The following PODNL1 variants were observed in gnomAD, a reference collection of about 807,000 sequenced individuals.
PODNL1 encodes podocan-like protein 1.
PODNL1 carries 50 observed loss-of-function variants against 45.1 expected under a neutral mutation model. The ratio of observed to expected loss-of-function variants is 1.11; its 90% CI spans 0.88 to 1.40. The LOEUF (loss-of-function observed/expected upper bound fraction) is 1.40, where lower values mean the gene tolerates loss of function less well. Ranked by LOEUF, PODNL1 falls within the 40% of genes most tolerant of loss-of-function variation. PODNL1 has a pLI of 0.00. For missense variants in PODNL1, 788 were observed against 793.3 expected (o/e 0.99, Z 0.08); for synonymous variants, 406 against 372.5 (o/e 1.09, Z -1.04).
At chr19:13,952,682 G>C in intron 1 of PODNL1, 2 of 1,294,780 alleles carry the variant, frequency 1.5e-6, no homozygotes, top group Non-Finnish European at 2.0e-6. Context: ...GCGCCGGAGG[G>C]TGGGGAGTAG....
Position 13,931,838 on chromosome 19 carries a change from G to A in PODNL1, c.1624C>T (p.Leu542Phe), listed in dbSNP as rs533036025. 39 of 1,231,988 alleles carry A rather than the reference G, an allele frequency of 3.2e-5. No homozygotes were observed. In the South Asian group the frequency reaches 1.4e-3, roughly 43 times the overall value. 76.3% of individuals were successfully genotyped at this position (1,231,988 alleles called of 1,614,324 possible). Residue 542 changes from leucine to phenylalanine, a missense_variant, in exon 10 of 10, where the codon CTC (leucine) becomes TTC (phenylalanine). Around this residue, in one of 3 missense-constraint regions of PODNL1, gnomAD observed 762 missense variants for 750.9 expected, o/e 1.01. Transcript: ENST00000588872. ...TSIAAEAFLG[L>F]PNLRVVDTAG... Reference sequence around the variant, plus strand: ...GTGTCCACCACACGCAGGTTTGGGAGCCCCAGGAAGGCCTCAGCCGCGATG... The same window carrying A: ...GTGTCCACCACACGCAGGTTTGGGAACCCCAGGAAGGCCTCAGCCGCGATG...
At chr19:13,947,441 A>G (rs1972860100) in intron 1 of PODNL1, among the ~76,000 whole-genome samples, 1 of 151,532 alleles carries the variant, frequency 6.6e-6, no homozygotes, top group African/African-American at 2.4e-5. Context: ...AGATCGCACC[A>G]TTGCACTCCA....
upstream of PODNL1, among the ~76,000 whole-genome samples, chr19:13,940,502 C>T (rs1404812410): frequency 1.5e-5 from 2 of 129,292 alleles, no homozygotes; most frequent in Non-Finnish European, 3.1e-5. Flanking sequence ...ACCAGGGAGG[C>T]GGAGGTTGCA....
chr19:13,952,717 G>T (rs1973115778), intron 1 of PODNL1: 1 of 1,304,902 alleles, frequency 7.7e-7, no homozygotes, highest in East Asian at 3.2e-5. Context: ...GAGGGAGGAG[G>T]GCGTTCGCGG....
chr19:13,942,448 T>G (rs1972684601), upstream of PODNL1, among the ~76,000 whole-genome samples: 1 of 152,284 alleles, frequency 6.6e-6, no homozygotes, highest in South Asian at 2.1e-4. Context: ...AGGGATGGAA[T>G]GTGCTGATTG....
At chr19:13,935,619 AC>A in intron 5 of PODNL1, 101 bp downstream of exon 5, 1 of 883,482 alleles carries the variant, frequency 1.1e-6, no homozygotes, top group Non-Finnish European at 1.7e-6. Context: ...GAGCCACTGC[AC>A]CCGGCCGAGG....
At chr19:13,942,071 T>C (rs1336081938), upstream of PODNL1, among the ~76,000 whole-genome samples, 1 of 152,156 alleles carries the variant, frequency 6.6e-6, no homozygotes, top group Non-Finnish European at 1.5e-5. Flanking sequence ...AGGACTACTG[T>C]AGCAGTCCTA....
chr19:13,941,674 A>G (rs1972660750), upstream of PODNL1, among the ~76,000 whole-genome samples: 1 of 152,052 alleles, frequency 6.6e-6, no homozygotes, highest in African/African-American at 2.4e-5. Flanking sequence ...TTAGCCAGGC[A>G]TGGTGGCAGG....
upstream of PODNL1, among the ~76,000 whole-genome samples, chr19:13,940,182 T>C (rs2145448638): frequency 6.6e-6 from 1 of 150,756 alleles, no homozygotes; most frequent in South Asian, 2.1e-4. Context: ...CCAACACTTT[T>C]GGAGGCTGAG....
rs773953289 is a variant in PODNL1 at position 13,932,878 on chromosome 19, G to T, written c.1345C>A (p.Arg449=). The change falls in exon 8 of 10, where the codon CGG becomes AGG. Residue 449 remains arginine (R), a synonymous_variant. Transcript: ENST00000588872. Reference sequence around the variant, plus strand: ...CGGTTGTGCGCCAGGCTGAGCTCCCGCAGTTGGTCCAGGCCGGCCAGAGGC... The same window carrying T: ...CGGTTGTGCGCCAGGCTGAGCTCCCTCAGTTGGTCCAGGCCGGCCAGAGGC... ...PEPLAGLDQL[R]ELSLAHNRLR... The T allele has an allele frequency of 1.2e-6, 2 of 1,608,460 alleles. No individual in the cohort carries two copies. The highest frequency in any genetic ancestry group is 3.4e-5 in the Admixed American group (2 of 59,298).
At chr19:13,940,570 CA>C (rs759568554), upstream of PODNL1, among the ~76,000 whole-genome samples, 2,945 of 83,144 alleles carry the variant, frequency 0.035, 86 homozygotes, top group African/African-American at 0.13. Context: ...GACTCCGTCT[CA>C]AAAAAAAAAA....
chr19:13,934,696 A>T (rs548084274), intron 5 of PODNL1, among the ~76,000 whole-genome samples: 3 of 151,326 alleles, frequency 2.0e-5, no homozygotes, highest in Non-Finnish European at 2.9e-5. Context: ...GTGTGTGTGC[A>T]CGTGTGTATG....
At chr19:13,932,643 A>G in intron 8 of PODNL1, 155 bp downstream of exon 8, 1 of 1,536,948 alleles carries the variant, frequency 6.5e-7, no homozygotes, top group Non-Finnish European at 8.8e-7. Flanking sequence ...GGCATGAGCC[A>G]CCTCACCCAG....
intron 1 of PODNL1, among the ~76,000 whole-genome samples, chr19:13,948,998 G>T (rs1166872753): frequency 3.3e-5 from 5 of 149,978 alleles, no homozygotes; most frequent in Non-Finnish European, 7.4e-5. Context: ...GTTTATTTAT[G>T]TGTTTATTTA....
Position 13,934,250 on chromosome 19 carries a change from C to A in PODNL1, c.651+4G>T. 1 of 1,500,840 alleles carries A rather than the reference C, an allele frequency of 6.7e-7. No homozygotes were observed. The allele number at this position is 1,500,840 out of a possible 1,614,324, so 93.0% of individuals were successfully genotyped here. A position where few individuals can be genotyped will look rare whatever the true frequency, so the allele number is the denominator to read the frequency against. On this transcript the variant is annotated splice_donor_region_variant and intron_variant, in intron 6 of 9. Coordinates refer to ENST00000588872, the MANE Select transcript of PODNL1 (RefSeq NM_001370095.3). ...GCCCGGGGTGGGACCTACAGCAGGG[C>A]TACCTGCAGGTGGAGCCGCTCGAGT...
intron 1 of PODNL1, among the ~76,000 whole-genome samples, chr19:13,950,854 A>G (rs1191189807): frequency 2.0e-5 from 3 of 150,648 alleles, no homozygotes; most frequent in Non-Finnish European, 4.4e-5. Flanking sequence ...AGACCAGCCT[A>G]GCCAACATAG....
At chr19:13,940,878 T>C (rs546344424), upstream of PODNL1, among the ~76,000 whole-genome samples, 11 of 144,356 alleles carry the variant, frequency 7.6e-5, no homozygotes, top group African/African-American at 3.2e-4. Flanking sequence ...TGCGAGACTC[T>C]GTCTCAAACA....
intron 5 of PODNL1, among the ~76,000 whole-genome samples, chr19:13,935,080 TTG>T (rs536874907): frequency 2.0e-5 from 3 of 151,392 alleles, no homozygotes; most frequent in African/African-American, 7.3e-5. Context: ...GTGCATGTGA[TTG>T]TGTGTGCATG....
chr19:13,938,582 G>A (rs1972535307), upstream of PODNL1: 1 of 534,390 alleles, frequency 1.9e-6, no homozygotes, highest in Non-Finnish European at 2.4e-6. Context: ...GGGATGGGGG[G>A]AGCTTCGGGG....
Sources: gnomAD v4.1 joint callset for allele counts (sites outside exome capture counted in the v4.1 genomes callset) on GRCh38, gnomAD v4.1.1 for gene constraint, gnomAD v4.1.1 regional missense constraint, MANE v1.5 for transcripts, NCBI Gene and HGNC (gene_info 2026-07-23, HGNC 2026-07-21) for gene names.